CRIM1: variants seen among roughly 807,000 people sequenced by gnomAD.
The protein encoded by CRIM1 is cysteine rich transmembrane BMP regulator 1.
A neutral mutation model predicts 116.4 loss-of-function variants in CRIM1; 32 were observed. The observed-to-expected ratio is 0.27, with a 90% CI of 0.21 to 0.37. The LOEUF is 0.37. CRIM1 is among the 10% of genes least tolerant of loss of function. The pLI, the probability that CRIM1 is intolerant of heterozygous loss-of-function variation, is 1.00. For missense variants in CRIM1, 1,331 were observed against 1,354.8 expected (o/e 0.98, Z 0.28); for synonymous variants, 590 against 509.2 (o/e 1.16, Z -2.13).
chr2:36,420,764 A>G (rs1051724519), intron 2 of CRIM1, among the ~76,000 whole-genome samples: 1 of 152,206 alleles, frequency 6.6e-6, no homozygotes, highest in Non-Finnish European at 1.5e-5. Context: ...AACAGCTCTC[A>G]TGTGACTGGA....
chr2:36,414,500 TC>T (rs200287178), intron 2 of CRIM1, among the ~76,000 whole-genome samples: 12 of 151,644 alleles, frequency 7.9e-5, no homozygotes, highest in Non-Finnish European at 1.5e-4. Flanking sequence ...AAGGTTCTAG[TC>T]CCCCCCCGAG....
chr2:36,423,872 CTT>C (rs1403530509), intron 2 of CRIM1, among the ~76,000 whole-genome samples: 3 of 152,074 alleles, frequency 2.0e-5, no homozygotes, highest in South Asian at 2.1e-4. Flanking sequence ...GAGGTAGAGA[CTT>C]TTATTATTTT....
chr2:36,435,469 A>G (rs934952073), intron 2 of CRIM1, among the ~76,000 whole-genome samples: 1 of 152,032 alleles, frequency 6.6e-6, no homozygotes, highest in African/African-American at 2.4e-5. Context: ...TAATCTGCCA[A>G]TGTAATTTTT....
At chr2:36,401,870 G>A (rs952102624) in intron 2 of CRIM1, among the ~76,000 whole-genome samples, 6 of 152,218 alleles carry the variant, frequency 3.9e-5, no homozygotes, top group African/African-American at 1.4e-4. Flanking sequence ...ACGTGACACT[G>A]TTGTAGTTGT....
intron 14 of CRIM1, among the ~76,000 whole-genome samples, chr2:36,541,114 T>C (rs1374296114): frequency 1.3e-5 from 2 of 152,172 alleles, no homozygotes; most frequent in African/African-American, 4.8e-5. Context: ...AGGAAGGCTG[T>C]ATTCCTGTCC....
chr2:36,462,670 T>C (rs897585480), intron 4 of CRIM1, among the ~76,000 whole-genome samples: 2 of 152,228 alleles, frequency 1.3e-5, no homozygotes, highest in African/African-American at 4.8e-5. Context: ...CAGCTATTCT[T>C]GCGGGATGCT....
intron 11 of CRIM1, among the ~76,000 whole-genome samples, chr2:36,516,080 C>G (rs997050149): frequency 6.6e-6 from 1 of 152,168 alleles, no homozygotes; most frequent in Non-Finnish European, 1.5e-5. Context: ...GGTCTAAGTT[C>G]CAGCCTTTTG....
chr2:36,490,875 C>A (rs1227888835), intron 7 of CRIM1, among the ~76,000 whole-genome samples: 1 of 152,188 alleles, frequency 6.6e-6, no homozygotes, highest in Non-Finnish European at 1.5e-5. Flanking sequence ...CTGAGCTGCT[C>A]AGCCTCCATC....
intron 11 of CRIM1, among the ~76,000 whole-genome samples, chr2:36,517,114 C>A (rs1405694655): frequency 1.3e-5 from 2 of 152,180 alleles, no homozygotes; most frequent in African/African-American, 4.8e-5. Flanking sequence ...CAGACTTAAA[C>A]CACTTGAACC....
At chr2:36,377,294 C>T (rs1354406400) in intron 1 of CRIM1, among the ~76,000 whole-genome samples, 1 of 152,254 alleles carries the variant, frequency 6.6e-6, no homozygotes, top group Non-Finnish European at 1.5e-5. Flanking sequence ...GACTAGCACA[C>T]ATTGCATCCA....
chr2:36,399,890 G>A (rs933629935), intron 2 of CRIM1, among the ~76,000 whole-genome samples: 4 of 152,174 alleles, frequency 2.6e-5, no homozygotes. Flanking sequence ...TTAAAGGAGA[G>A]GACAAATGAA....
Position 36,356,632 on chromosome 2 carries a change from G to T in CRIM1, c.331+9G>T. ...AGCGGGCGTTTGCGAAGGTACGGCC[G>T]CCCGCTGCGGGCCCCCTCCCACCTG... On this transcript the variant is annotated intron_variant, in intron 1 of 16. Transcript: ENST00000280527. The surrounding 1 kb of genome is among the most constrained non-coding windows in gnomAD (Gnocchi z 4.3). 1.3e-6 allele frequency: 2 copies of T among 1,599,376 alleles called. No homozygotes were observed. Among genetic ancestry groups the T allele is most frequent in the Middle Eastern group, 1.7e-4 (1 of 6,022 alleles).
chr2:36,377,055 C>A (rs1004513481), intron 1 of CRIM1, among the ~76,000 whole-genome samples: 6 of 152,194 alleles, frequency 3.9e-5, no homozygotes, highest in African/African-American at 1.4e-4. Context: ...TTGCCTCCCC[C>A]CATGTGGGTT....
chr2:36,405,846 GTTAAA>G (rs990107141), intron 2 of CRIM1, among the ~76,000 whole-genome samples: 1 of 152,118 alleles, frequency 6.6e-6, no homozygotes, highest in Non-Finnish European at 1.5e-5. Flanking sequence ...TCAAGTAAAT[GTTAAA>G]TTAAAAATGA....
chr2:36,548,545 G>A lies in CRIM1; in HGVS notation c.2955G>A (p.Gln985=), dbSNP rs1667520210. Residue 985 remains glutamine, a synonymous_variant, in exon 17 of 17, where the codon CAG becomes CAA. Coordinates refer to ENST00000280527, the MANE Select transcript of CRIM1 (RefSeq NM_016441.3). Reference sequence around the variant, plus strand: ...AATAGCCTTCTTCCTTAAATAATCAGCTAGTATCTGTGGACTGCAAGAAAG... The same window carrying A: ...AATAGCCTTCTTCCTTAAATAATCAACTAGTATCTGTGGACTGCAAGAAAG... The part of the protein sequence containing the change: ...TPTKPSSLNN[Q]LVSVDCKKGT... 6.3e-7 allele frequency: 1 copy of A among 1,582,532 alleles called. No individual in the cohort carries two copies. Among genetic ancestry groups the A allele is most frequent in the Non-Finnish European group, 8.5e-7 (1 of 1,170,694 alleles).
intron 7 of CRIM1, among the ~76,000 whole-genome samples, chr2:36,483,091 T>G (rs964431615): frequency 5.3e-5 from 8 of 152,210 alleles, no homozygotes; most frequent in African/African-American, 1.9e-4. Context: ...CCAATTCAGG[T>G]ATACAGATAA....
chr2:36,376,308 A>G (rs1670314609), intron 1 of CRIM1, among the ~76,000 whole-genome samples: 1 of 152,212 alleles, frequency 6.6e-6, no homozygotes, highest in South Asian at 2.1e-4. Context: ...TTTACAGTGA[A>G]ATGGATTTGT....
chr2:36,454,744 G>A (rs1226623261), intron 4 of CRIM1, among the ~76,000 whole-genome samples: 1 of 152,104 alleles, frequency 6.6e-6, no homozygotes, highest in Non-Finnish European at 1.5e-5. Flanking sequence ...TGGAAGGTAT[G>A]CCCTCATTGA....
intron 2 of CRIM1, 81 bp from the exon 3 acceptor site, chr2:36,441,177 A>G (rs1204351046): frequency 1.3e-6 from 2 of 1,565,838 alleles, no homozygotes; most frequent in East Asian, 2.3e-5. Context: ...ACTTAAATAG[A>G]TCATCAGGAC....
Sources: allele counts gnomAD v4.1 joint callset (sites outside exome capture counted in the v4.1 genomes callset), GRCh38; gene constraint gnomAD v4.1.1; non-coding constraint Gnocchi (gnomAD v3.1); transcripts MANE v1.5; gene names NCBI Gene and HGNC (gene_info 2026-07-23, HGNC 2026-07-21).